Variants in ERICH1 observed in about 807,000 individuals in gnomAD.
The protein encoded by ERICH1 is glutamate rich 1, also known as glutamate-rich protein 1.
A neutral mutation model predicts 39.6 loss-of-function variants in ERICH1; 56 were observed. The observed-to-expected ratio is 1.41, with a 90% CI of 1.14 to 1.77. The LOEUF (loss-of-function observed/expected upper bound fraction) is 1.77. ERICH1 is among the 40% of genes most tolerant of loss of function. The pLI, the probability that ERICH1 is intolerant of heterozygous loss-of-function variation, is 0.00. For synonymous variants in ERICH1, 313 were observed against 223.6 expected, an observed-to-expected ratio of 1.40 and a Z score of -3.57; for missense variants, 826 against 575.4, an observed-to-expected ratio of 1.44 and a Z score of -4.45.
At chr8:654,025 T>C (rs1800304694) in intron 3 of ERICH1, among the ~76,000 whole-genome samples, 1 of 152,090 alleles carries the variant, frequency 6.6e-6, no homozygotes, top group Non-Finnish European at 1.5e-5. Context: ...GGATGGCTGG[T>C]GGCTGCCAGG....
chr8:618,443 C>G (rs557175197), intron 3 of ERICH1, among the ~76,000 whole-genome samples: 10 of 152,344 alleles, frequency 6.6e-5, no homozygotes, highest in South Asian at 2.1e-4. Flanking sequence ...GGTGCTTGGT[C>G]TGTCCTCACT....
At chr8:660,889 G>T (rs948284465), downstream of ERICH1, among the ~76,000 whole-genome samples, 10 of 152,204 alleles carry the variant, frequency 6.6e-5, no homozygotes, top group African/African-American at 2.4e-4. Context: ...GCAGGCTCCG[G>T]GTTCCTGGGA....
At chr8:720,266 C>T (rs1056647300) in intron 1 of ERICH1, among the ~76,000 whole-genome samples, 1 of 152,114 alleles carries the variant, frequency 6.6e-6, no homozygotes. Context: ...CGAGGAAGGA[C>T]GAGGAAACAC....
At chr8:711,701 G>C (rs973161935) in intron 2 of ERICH1, among the ~76,000 whole-genome samples, 4 of 152,134 alleles carry the variant, frequency 2.6e-5, no homozygotes, top group Non-Finnish European at 5.9e-5. Context: ...GTTTCACCAT[G>C]TTAGCCAGGA....
At chr8:618,929 C>A (rs757084066) in intron 3 of ERICH1, among the ~76,000 whole-genome samples, 2 of 152,084 alleles carry the variant, frequency 1.3e-5, no homozygotes, top group South Asian at 2.1e-4. Flanking sequence ...ATCATTTAAC[C>A]GGAGAAAATG....
intron 3 of ERICH1, among the ~76,000 whole-genome samples, chr8:674,740 T>A (rs1400789327): frequency 6.6e-6 from 1 of 152,212 alleles, no homozygotes; most frequent in East Asian, 1.9e-4. Flanking sequence ...TGTGTGAGAA[T>A]AAAAAATAAG....
intron 4 of ERICH1, 121 bp downstream of exon 4, chr8:673,168 C>T (rs1803827605): frequency 8.2e-7 from 1 of 1,215,162 alleles, no homozygotes; most frequent in South Asian, 1.6e-5. Context: ...TGCCTTACAA[C>T]TAATTATTTT....
chr8:718,965 C>G (rs1489371233), intron 1 of ERICH1, among the ~76,000 whole-genome samples: 4 of 152,112 alleles, frequency 2.6e-5, no homozygotes, highest in African/African-American at 9.6e-5. Context: ...TCTGTGCGCT[C>G]CCATCTGTAC....
downstream of ERICH1, among the ~76,000 whole-genome samples, chr8:661,851 C>T (rs1309105897): frequency 6.6e-6 from 1 of 152,246 alleles, no homozygotes; most frequent in East Asian, 1.9e-4. Context: ...TAAAGCCCCA[C>T]AGGATCACAG....
chr8:678,669 A>C (rs1805401002), intron 3 of ERICH1, among the ~76,000 whole-genome samples: 1 of 152,102 alleles, frequency 6.6e-6, no homozygotes, highest in Non-Finnish European at 1.5e-5. Flanking sequence ...TTAGCCAGGC[A>C]TGGTGGCAGG....
intron 3 of ERICH1, among the ~76,000 whole-genome samples, chr8:679,160 G>A (rs1255031164): frequency 4.3e-5 from 6 of 140,962 alleles, no homozygotes; most frequent in Non-Finnish European, 9.1e-5. Context: ...GCCCCTCACA[G>A]CTCCCACCCC....
At chr8:627,318 G>A in intron 3 of ERICH1, 1 of 423,406 alleles carries the variant, frequency 2.4e-6, no homozygotes, top group South Asian at 1.6e-5. Context: ...CAGACGAAGG[G>A]CTTGAGTGAA....
chr8:657,179 C>A (rs999785398), intron 3 of ERICH1, among the ~76,000 whole-genome samples: 1 of 152,152 alleles, frequency 6.6e-6, no homozygotes, highest in Non-Finnish European at 1.5e-5. Flanking sequence ...GAAAGAAACA[C>A]GAAAAGCAGC....
intron 3 of ERICH1, chr8:640,896 T>C (rs1480616809): frequency 6.6e-6 from 1 of 152,250 alleles, no homozygotes; most frequent in Non-Finnish European, 1.5e-5. Context: ...ATCTCAACTT[T>C]GTTTCAATTA....
intron 5 of ERICH1, chr8:665,951 C>G (rs1043920738): frequency 6.6e-6 from 1 of 152,216 alleles, no homozygotes; most frequent in Non-Finnish European, 1.5e-5. Flanking sequence ...CTCGTATAGG[C>G]CAAGTCTGCA....
chr8:708,682 T>TTG (rs1813929453), intron 2 of ERICH1, among the ~76,000 whole-genome samples: 2 of 27,912 alleles, frequency 7.2e-5, no homozygotes, highest in African/African-American at 2.6e-4. Context: ...GGATAATGAG[T>TTG]TTTTTTTTTT....
intron 3 of ERICH1, among the ~76,000 whole-genome samples, chr8:678,612 A>G (rs1490446981): frequency 6.6e-6 from 1 of 152,176 alleles, no homozygotes; most frequent in African/African-American, 2.4e-5. Context: ...GATTGAGACC[A>G]TCCTGGCTAA....
intron 2 of ERICH1, among the ~76,000 whole-genome samples, chr8:715,210 T>C (rs1451234785): frequency 1.3e-5 from 2 of 151,820 alleles, no homozygotes; most frequent in East Asian, 1.9e-4. Context: ...AGGTGGTCTC[T>C]TCTCGTGTCT....
intron 2 of ERICH1, among the ~76,000 whole-genome samples, chr8:706,987 T>A (rs1238470715): frequency 6.6e-6 from 1 of 152,074 alleles, no homozygotes; most frequent in East Asian, 1.9e-4. Context: ...GAAATTGACA[T>A]GCTGATCCTA....
Sources: allele counts gnomAD v4.1 joint callset (sites outside exome capture counted in the v4.1 genomes callset), GRCh38; gene constraint gnomAD v4.1.1; transcripts MANE v1.5; gene names NCBI Gene and HGNC (gene_info 2026-07-23, HGNC 2026-07-21).